CDX1: variants seen among roughly 807,000 people sequenced by gnomAD.
CDX1 encodes the protein caudal type homeobox 1.
CDX1 carries 9 observed loss-of-function variants against 16.9 expected under a neutral mutation model. The observed-to-expected ratio is 0.53, with a 90% CI of 0.32 to 0.93. The LOEUF is 0.93. CDX1 is among the 40% of genes least tolerant of loss of function. The probability of loss-of-function intolerance (pLI) is 0.04; values close to 1 mark genes in which losing one functional copy is unlikely to be tolerated. For synonymous variants in CDX1, 179 were observed against 179.0 expected (o/e 1.00, Z 0.00); for missense variants, 393 against 386.1 (o/e 1.02, Z -0.15).
chr5:150,183,051 A>T, intron 2 of CDX1, 138 bp downstream of exon 2: 1 of 1,063,346 alleles, frequency 9.4e-7, no homozygotes, highest in Non-Finnish European at 1.3e-6. Context: ...GCACAGCAGA[A>T]ACTGAGGTGC....
At position 150,167,011 on chromosome 5, in the gene CDX1, C is replaced by A. The variant is rs1347476558; in HGVS notation, c.135C>A (p.Phe45Leu). Residue 45 changes from phenylalanine (F) to leucine (L), a missense_variant, in exon 1 of 3, where the codon TTC becomes TTA. Phe to Leu is a conservative substitution (Grantham distance 22, BLOSUM62 0). Transcript: ENST00000231656. ...CGGCGCCCCCGCAGTACCCCGACTT[C>A]TCCAGCTACTCTCACGTGGAGCCGG... Reference protein sequence around the residue: ...PPPAPPQYPDFSSYSHVEPAP... With the variant: ...PPPAPPQYPDLSSYSHVEPAP... The A allele has an allele frequency of 3.5e-6, 5 of 1,438,868 alleles. No individual in the cohort carries two copies. In the East Asian group the frequency reaches 1.2e-4, roughly 35 times the overall value. The allele number at this position is 1,438,868 out of a possible 1,614,324, so 89.1% of individuals were successfully genotyped here.
intron 1 of CDX1, among the ~76,000 whole-genome samples, chr5:150,172,540 C>A (rs1378535900): frequency 6.6e-6 from 1 of 152,118 alleles, no homozygotes; most frequent in East Asian, 1.9e-4. Flanking sequence ...TACAGCCCAG[C>A]AATCGTCTGT....
chr5:150,176,141 AG>A (rs1431332721), intron 1 of CDX1, among the ~76,000 whole-genome samples: 1 of 152,176 alleles, frequency 6.6e-6, no homozygotes, highest in Non-Finnish European at 1.5e-5. Context: ...GCTACAATTT[AG>A]GCCCCTCACC....
rs552303883 is a variant in CDX1 at position 150,183,398 on chromosome 5, C to G, written c.592-76C>G. 485 of 1,326,610 alleles carry G rather than the reference C, an allele frequency of 3.7e-4. 1 individual carries two copies. The highest frequency in any genetic ancestry group is 8.1e-4 in the Admixed American group (31 of 38,388). The allele number at this position is 1,326,610 out of a possible 1,614,324, so 82.2% of individuals were successfully genotyped here. A position where few individuals can be genotyped will look rare whatever the true frequency, so the allele number is the denominator to read the frequency against. On this transcript the variant is annotated intron_variant, in intron 2 of 2. Transcript: ENST00000231656. Reference sequence around the variant, plus strand: ...CATGGAGAAATAGGGGCTCACTGTCCTCGTCTCTCCTTCTTGCACTCTCTC... The same window carrying G: ...CATGGAGAAATAGGGGCTCACTGTCGTCGTCTCTCCTTCTTGCACTCTCTC...
At chr5:150,172,456 G>A (rs1011465574) in intron 1 of CDX1, among the ~76,000 whole-genome samples, 7 of 152,124 alleles carry the variant, frequency 4.6e-5, no homozygotes, top group Non-Finnish European at 1.0e-4. Context: ...AGGATAATGA[G>A]GCTCAGAGAG....
chr5:150,181,291 G>A (rs1040508867), intron 1 of CDX1, among the ~76,000 whole-genome samples: 3 of 152,032 alleles, frequency 2.0e-5, no homozygotes, highest in Admixed American at 6.6e-5. Flanking sequence ...TTCTTGAGAC[G>A]GAGTCTCACT....
chr5:150,178,065 C>A (rs1249128036), intron 1 of CDX1, among the ~76,000 whole-genome samples: 1 of 152,210 alleles, frequency 6.6e-6, no homozygotes, highest in Non-Finnish European at 1.5e-5. Flanking sequence ...AATTTTGAGA[C>A]CCATTCTAGC....
intron 1 of CDX1, among the ~76,000 whole-genome samples, chr5:150,181,196 C>T (rs927230853): frequency 5.3e-5 from 8 of 152,216 alleles, no homozygotes; most frequent in Non-Finnish European, 1.0e-4. Context: ...CAGGCATGCC[C>T]CACCTCGGGG....
intron 2 of CDX1, among the ~76,000 whole-genome samples, 191 bp from the exon 3 acceptor site, chr5:150,183,283 C>G (rs1580842695): frequency 6.6e-6 from 1 of 152,158 alleles, no homozygotes; most frequent in South Asian, 2.1e-4. Flanking sequence ...AAGGGCATCT[C>G]CAGGGTAGGG....
At chr5:150,169,945 G>A (rs1761482653) in intron 1 of CDX1, among the ~76,000 whole-genome samples, 1 of 152,182 alleles carries the variant, frequency 6.6e-6, no homozygotes, top group South Asian at 2.1e-4. Flanking sequence ...CAGAAGAATT[G>A]GTTTAGAATT....
At chr5:150,167,853 G>C (rs1761454511) in intron 1 of CDX1, among the ~76,000 whole-genome samples, 1 of 152,248 alleles carries the variant, frequency 6.6e-6, no homozygotes, top group South Asian at 2.1e-4. Context: ...TCTTTGGCCA[G>C]ACTGGGGCAA....
At position 150,167,026 on chromosome 5, in the gene CDX1, C is replaced by A; in HGVS notation, c.150C>A (p.His50Gln). ...PQYPDFSSYS[H>Q]VEPAPAPPTA... ...ACCCCGACTTCTCCAGCTACTCTCACGTGGAGCCGGCCCCCGCGCCCCCGA... is the reference window on the plus strand; with the variant it reads ...ACCCCGACTTCTCCAGCTACTCTCAAGTGGAGCCGGCCCCCGCGCCCCCGA... The change falls in exon 1 of 3, where the codon CAC (histidine) becomes CAA (glutamine). Residue 50 changes from histidine (H) to glutamine (Q), a missense_variant. His to Gln is a conservative substitution (Grantham distance 24, BLOSUM62 0). Transcript: ENST00000231656. 2.1e-6 allele frequency: 3 copies of A among 1,435,888 alleles called. No individual in the cohort carries two copies. The highest frequency in any genetic ancestry group is 2.7e-6 in the Non-Finnish European group (3 of 1,099,736). 88.9% of individuals were successfully genotyped at this position (1,435,888 alleles called of 1,614,324 possible). A position where few individuals can be genotyped will look rare whatever the true frequency, so the allele number is the denominator to read the frequency against.
At chr5:150,174,776 CT>C (rs5872160) in intron 1 of CDX1, among the ~76,000 whole-genome samples, 187 of 142,638 alleles carry the variant, frequency 1.3e-3, no homozygotes, top group East Asian at 1.6e-3. Context: ...TCTCTCCTGC[CT>C]TTTTTTTTTT....
rs753650908 is a variant in CDX1, at chr5:150,183,605, G to A, written c.723G>A (p.Gly241=). ...ITATPAGPSL[G]GLCPSNTSLL... ...CCACCCCAGCCGGGCCATCCCTGGG[G>A]GGCCTGTGTCCCAGCAACACCAGCC... Residue 241 remains glycine (G), a synonymous_variant, in exon 3 of 3, where the codon GGG becomes GGA. Transcript: ENST00000231656. The A allele has an allele frequency of 1.3e-5, 21 of 1,609,888 alleles. No individual in the cohort carries two copies. The African/African-American group carries it at 2.7e-4, about 20-fold the overall frequency.
chr5:150,175,811 G>C (rs1213493569), intron 1 of CDX1, among the ~76,000 whole-genome samples: 1 of 152,212 alleles, frequency 6.6e-6, no homozygotes, highest in Non-Finnish European at 1.5e-5. Flanking sequence ...CCACTCCCAG[G>C]TCAGTGTGTT....
chr5:150,171,347 T>C (rs1054442267), intron 1 of CDX1, among the ~76,000 whole-genome samples: 3 of 152,196 alleles, frequency 2.0e-5, no homozygotes, highest in Admixed American at 6.5e-5. Flanking sequence ...TCTTTTTTCT[T>C]TTTTTTGAGA....
chr5:150,180,315 C>A (rs145715965), intron 1 of CDX1, among the ~76,000 whole-genome samples: 32 of 152,316 alleles, frequency 2.1e-4, no homozygotes, highest in African/African-American at 5.8e-4. Flanking sequence ...GGCTGAAGTC[C>A]GAGGCTATCC....
In CDX1 at chr5:150,183,521, C is replaced by G; in HGVS notation, c.639C>G (p.Asn213Lys). 1.2e-6 allele frequency: 2 copies of G among 1,611,972 alleles called. No homozygotes were observed. Among genetic ancestry groups the G allele is most frequent in the Non-Finnish European group, 1.7e-6 (2 of 1,178,606 alleles). The change falls in exon 3 of 3, where the codon AAC becomes AAG. Residue 213 changes from asparagine to lysine, a missense_variant. Physicochemically the swap from Asn to Lys is moderately conservative, Grantham distance 94. Coordinates refer to ENST00000231656, the MANE Select transcript of CDX1 (RefSeq NM_001804.3). ...QNRRAKERKV[N>K]KKKQQQQQPP... is the part of the protein sequence containing the mutation. ...GGCGGGCAAAGGAGCGCAAAGTGAA[C>G]AAGAAGAAACAGCAGCAGCAACAGC...
intron 1 of CDX1, among the ~76,000 whole-genome samples, chr5:150,177,646 G>A (rs1322552662): frequency 6.6e-6 from 1 of 152,122 alleles, no homozygotes; most frequent in African/African-American, 2.4e-5. Flanking sequence ...CCAACTCCAC[G>A]GGTCATTGAG....
Sources: gnomAD v4.1 joint callset for allele counts (sites outside exome capture counted in the v4.1 genomes callset) on GRCh38, gnomAD v4.1.1 for gene constraint, MANE v1.5 for transcripts, NCBI Gene and HGNC (gene_info 2026-07-23, HGNC 2026-07-21) for gene names.